PCDHA1: variants seen among roughly 807,000 people sequenced by gnomAD.
The protein encoded by PCDHA1 is protocadherin alpha 1.
In PCDHA1, 42 loss-of-function variants were observed where a neutral mutation model predicts 61.3. That is an observed-to-expected ratio of 0.69 (90% CI 0.54 to 0.89). The LOEUF (loss-of-function observed/expected upper bound fraction) is 0.89, where lower values mean the gene tolerates loss of function less well. Ranked by LOEUF, PCDHA1 falls within the 40% of genes least tolerant of loss-of-function variation. PCDHA1 has a pLI of 0.00. For synonymous variants in PCDHA1, 610 were observed against 553.8 expected (o/e 1.10, Z -1.43); for missense variants, 1,256 against 1,235.3 (o/e 1.02, Z -0.25).
Position 140,836,049 on chromosome 5 carries a change from C to T in PCDHA1, c.2394+47365C>T, listed in dbSNP as rs1223853934. ...CAACGTGACGCTGCAGGTGTTCGTG[C>T]TGGACGAGAACGACAACGCGCCGGC... On this transcript the variant is annotated intron_variant, in intron 1 of 3. Transcript: ENST00000504120. 4 of 1,613,294 alleles carry T rather than the reference C, an allele frequency of 2.5e-6. No homozygotes were observed. The South Asian group carries it at 3.3e-5, about 13-fold the overall frequency.
intron 3 of PCDHA1, among the ~76,000 whole-genome samples, chr5:140,987,129 G>A (rs1281954011): frequency 1.3e-5 from 2 of 151,758 alleles, no homozygotes; most frequent in African/African-American, 4.8e-5. Flanking sequence ...CAGGAGAATT[G>A]CTTGAACTCG....
At chr5:140,970,810 A>G (rs2096434442) in intron 1 of PCDHA1, among the ~76,000 whole-genome samples, 1 of 152,138 alleles carries the variant, frequency 6.6e-6, no homozygotes. Flanking sequence ...TTACATTTCA[A>G]GTTCATGGTA....
At position 140,980,991 on chromosome 5, in the gene PCDHA1, C is replaced by G. The variant is rs888673669; in HGVS notation, c.2454-1484C>G. Among the ~76,000 whole-genome samples the G allele has an allele frequency of 1.2e-4, 18 of 151,972 alleles. 1 individual carries two copies. Among genetic ancestry groups the G allele is most frequent in the Non-Finnish European group, 8.8e-5 (6 of 68,014 alleles). ...AATCTGACTGAGCCCACACAATTTG[C>G]TAGTAGGATCCAGGAACACTTGAAG... On this transcript the variant is annotated intron_variant, in intron 2 of 3. Transcript: ENST00000504120.
intron 1 of PCDHA1, chr5:140,809,460 T>G (rs1554125221): frequency 6.2e-7 from 1 of 1,614,008 alleles, no homozygotes; most frequent in African/African-American, 1.3e-5. Flanking sequence ...AGGCCGAGGG[T>G]GTGCTCTGGT....
At chr5:140,950,517 A>G (rs1210598995) in intron 1 of PCDHA1, among the ~76,000 whole-genome samples, 1 of 152,012 alleles carries the variant, frequency 6.6e-6, no homozygotes, top group African/African-American at 2.4e-5. Flanking sequence ...CCTGTGTGCG[A>G]TATGATTGTT....
chr5:140,884,305 G>C, intron 1 of PCDHA1: 1 of 1,613,720 alleles, frequency 6.2e-7, no homozygotes, highest in African/African-American at 1.3e-5. Flanking sequence ...CACAGGCTTC[G>C]TCGAGGGCGT....
intron 1 of PCDHA1, among the ~76,000 whole-genome samples, chr5:140,975,953 T>A (rs1554237158): frequency 6.6e-6 from 1 of 152,084 alleles, no homozygotes; most frequent in Non-Finnish European, 1.5e-5. Context: ...CATATTAGAG[T>A]TCTTCACCAA....
At chr5:140,928,298 C>T in intron 1 of PCDHA1, 2 of 1,614,128 alleles carry the variant, frequency 1.2e-6, no homozygotes, top group South Asian at 1.1e-5. Context: ...CGAGTGTTTG[C>T]CCAGGACCCC....
chr5:140,972,244 A>G (rs2096526797), intron 1 of PCDHA1, among the ~76,000 whole-genome samples: 1 of 151,646 alleles, frequency 6.6e-6, no homozygotes, highest in African/African-American at 2.4e-5. Context: ...GGCTCAAGCA[A>G]TCCTCACACA....
intron 1 of PCDHA1, chr5:140,807,099 G>T: frequency 1.4e-6 from 2 of 1,404,386 alleles, no homozygotes; most frequent in Non-Finnish European, 2.0e-6. Context: ...AAATATGGAG[G>T]ATGCAGCTGC....
Position 140,856,434 on chromosome 5 carries a change from C to T in PCDHA1, c.2394+67750C>T, listed in dbSNP as rs551569829. 39 of 1,598,320 alleles carry T rather than the reference C, an allele frequency of 2.4e-5. 3 individuals carry two copies. The South Asian group carries it at 3.9e-4, about 16-fold the overall frequency. On this transcript the variant is annotated intron_variant, in intron 1 of 3. Coordinates refer to ENST00000504120, the MANE Select transcript of PCDHA1 (RefSeq NM_018900.4). Reference sequence around the variant, plus strand: ...GAAGTGAAGGACATTAACGACAACCCGCCCAGGTTCTCCGTAACAGAACAA... The same window carrying T: ...GAAGTGAAGGACATTAACGACAACCTGCCCAGGTTCTCCGTAACAGAACAA...
intron 1 of PCDHA1, among the ~76,000 whole-genome samples, chr5:140,937,708 C>G (rs535447052): frequency 6.6e-6 from 1 of 151,944 alleles, no homozygotes; most frequent in South Asian, 2.1e-4. Flanking sequence ...GTCAGGAGAT[C>G]AAGACCATCC....
intron 1 of PCDHA1, among the ~76,000 whole-genome samples, chr5:140,952,530 A>T (rs246033): frequency 6.6e-6 from 1 of 151,882 alleles, no homozygotes; most frequent in Non-Finnish European, 1.5e-5. Context: ...ACCTCCTCAG[A>T]CTGGACTTCT....
chr5:140,823,064 G>T (rs2150121897), intron 1 of PCDHA1: 1 of 1,614,062 alleles, frequency 6.2e-7, no homozygotes, highest in Non-Finnish European at 8.5e-7. Context: ...CGGGACGGGG[G>T]CTCGCCTTCG....
At position 140,835,760 on chromosome 5, in the gene PCDHA1, G is replaced by A. The variant is rs2150244250; in HGVS notation, c.2394+47076G>A. On this transcript the variant is annotated intron_variant, in intron 1 of 3. Coordinates refer to ENST00000504120, the MANE Select transcript of PCDHA1 (RefSeq NM_018900.4). ...ACGCCCCGGCGTTCGCGCAGCCCGAGTATACGGTGTTCGTGAAGGAGAACA... is the reference window on the plus strand; with the variant it reads ...ACGCCCCGGCGTTCGCGCAGCCCGAATATACGGTGTTCGTGAAGGAGAACA... 15 of 1,613,420 alleles carry A rather than the reference G, an allele frequency of 9.3e-6. 1 individual carries two copies. The East Asian group carries it at 3.3e-4, about 36-fold the overall frequency.
intron 1 of PCDHA1, chr5:140,851,871 G>A (rs2042184673): frequency 2.0e-6 from 2 of 977,226 alleles, no homozygotes; most frequent in South Asian, 9.5e-5. Context: ...CATAACACAA[G>A]GCAGAAATCT....
At chr5:140,803,864 G>C (rs1763295768) in intron 1 of PCDHA1, 8 of 570,842 alleles carry the variant, frequency 1.4e-5, no homozygotes. Context: ...CTGGGTATAA[G>C]ACAAATATTT....
chr5:141,004,014 A>T (rs1294633411), intron 3 of PCDHA1, among the ~76,000 whole-genome samples: 40 of 152,222 alleles, frequency 2.6e-4, no homozygotes, highest in African/African-American at 9.4e-4. Context: ...GGCAGCACTG[A>T]AAGAAGAAAC....
At chr5:140,937,162 C>A (rs2091378704) in intron 1 of PCDHA1, among the ~76,000 whole-genome samples, 1 of 151,684 alleles carries the variant, frequency 6.6e-6, no homozygotes, top group Non-Finnish European at 1.5e-5. Flanking sequence ...CTCAGCCTCC[C>A]GAGTAGCTGG....
Sources: gnomAD v4.1 joint callset for allele counts (sites outside exome capture counted in the v4.1 genomes callset) on GRCh38, gnomAD v4.1.1 for gene constraint, MANE v1.5 for transcripts, NCBI Gene and HGNC (gene_info 2026-07-23, HGNC 2026-07-21) for gene names.